Variants in PRKN observed in about 807,000 individuals in gnomAD.
PRKN encodes the protein parkin RBR E3 ubiquitin protein ligase.
A neutral mutation model predicts 59.5 loss-of-function variants in PRKN; 56 were observed. That is an observed-to-expected ratio of 0.94 (90% CI 0.76 to 1.18). The LOEUF (loss-of-function observed/expected upper bound fraction) is 1.18, where lower values mean the gene tolerates loss of function less well. Ranked by LOEUF, PRKN falls within the 50% of genes most tolerant of loss-of-function variation. The pLI, the probability that PRKN is intolerant of heterozygous loss-of-function variation, is 0.00. For missense variants in PRKN, 657 were observed against 596.4 expected (o/e 1.10, Z -1.06); for synonymous variants, 250 against 222.1 (o/e 1.13, Z -1.12).
rs572885578 is a variant in PRKN, at chr6:161,645,867, G to A, written c.872-76451C>T. Among the ~76,000 whole-genome samples, 15 of 152,390 alleles carry A rather than the reference G, an allele frequency of 9.8e-5. 1 individual carries two copies. In the South Asian group the frequency reaches 2.7e-3, roughly 27 times the overall value. The stretch of plus-strand genomic sequence containing the variant: ...AAAGGGAAATAAGTTAGAAAAGGCC[G>A]CTGTCTCAGCCATGCCAGCGCAGGT... On this transcript the variant is annotated intron_variant, in intron 7 of 11. Transcript: ENST00000366898.
In PRKN at chr6:161,606,382, C is replaced by A. The variant is rs139056606; in HGVS notation, c.872-36966G>T. Among the ~76,000 whole-genome samples the A allele has an allele frequency of 1.6e-4, 25 of 152,254 alleles. No homozygotes were observed. In the East Asian group the frequency reaches 4.5e-3, roughly 27 times the overall value. The stretch of plus-strand genomic sequence containing the variant: ...TGGTAAAAGAAGGAGTCTGGGATGA[C>A]TTCAGGGTTTCCAATTTTGACCAGT... On this transcript the variant is annotated intron_variant, in intron 7 of 11. Coordinates refer to ENST00000366898, the MANE Select transcript of PRKN (RefSeq NM_004562.3).
intron 4 of PRKN, among the ~76,000 whole-genome samples, chr6:162,181,174 G>T (rs1783789001): frequency 6.6e-6 from 1 of 152,216 alleles, no homozygotes; most frequent in Non-Finnish European, 1.5e-5. Flanking sequence ...CCAGTCGGGG[G>T]TGACGTTCCA....
At chr6:162,117,418 C>T (rs1204792802) in intron 4 of PRKN, among the ~76,000 whole-genome samples, 1 of 152,200 alleles carries the variant, frequency 6.6e-6, no homozygotes, top group Non-Finnish European at 1.5e-5. Context: ...CCTTTCCCTG[C>T]ATCCTGGCCA....
At chr6:161,899,154 C>T (rs112105452) in intron 6 of PRKN, among the ~76,000 whole-genome samples, 3,810 of 152,300 alleles carry the variant, frequency 0.025, 111 homozygotes, top group African/African-American at 0.068. Flanking sequence ...AGTGGGGAGG[C>T]CCTGGCCAGC....
intron 7 of PRKN, among the ~76,000 whole-genome samples, chr6:161,680,775 ATTT>A (rs869253616): frequency 1.4e-3 from 43 of 30,626 alleles, no homozygotes; most frequent in African/African-American, 2.7e-3. Context: ...ATATATATAT[ATTT>A]TTTTTTTTTT....
chr6:162,507,478 C>T (rs948758629), intron 1 of PRKN, among the ~76,000 whole-genome samples: 8 of 151,994 alleles, frequency 5.3e-5, no homozygotes, highest in East Asian at 1.9e-4. Context: ...ATACCCAGTT[C>T]GCTCCTTTTG....
At chr6:162,247,608 T>A (rs1480758665) in intron 3 of PRKN, among the ~76,000 whole-genome samples, 1 of 152,212 alleles carries the variant, frequency 6.6e-6, no homozygotes, top group East Asian at 1.9e-4. Flanking sequence ...AGTCTTTTTC[T>A]TAGTTGAATT....
intron 9 of PRKN, among the ~76,000 whole-genome samples, chr6:161,535,800 G>A (rs1478390560): frequency 6.6e-6 from 1 of 152,074 alleles, no homozygotes; most frequent in Non-Finnish European, 1.5e-5. Context: ...TGGTGGAGTG[G>A]AGCATCCCAG....
intron 1 of PRKN, among the ~76,000 whole-genome samples, chr6:162,715,381 A>T (rs1562520222): frequency 6.6e-6 from 1 of 152,226 alleles, no homozygotes; most frequent in Non-Finnish European, 1.5e-5. Context: ...CACTATAAAG[A>T]TGGAATGAAA....
chr6:162,486,187 G>A (rs1792530714), intron 1 of PRKN, among the ~76,000 whole-genome samples: 1 of 152,106 alleles, frequency 6.6e-6, no homozygotes, highest in Non-Finnish European at 1.5e-5. Flanking sequence ...CAACTTTGCA[G>A]GCTCTTAAAG....
chr6:161,552,798 TTG>T lies in PRKN; in HGVS notation c.934-3797_934-3796del, dbSNP rs1164475731. On this transcript the variant is annotated intron_variant, in intron 8 of 11. Transcript: ENST00000366898. This position sits in a 1 kb window ranked among gnomAD's most constrained non-coding sequence, Gnocchi z 4.9. ...ATGGTTTTGTTGTTGTTTTTGTTTT[TTG>T]TTTTTTTTTTTTAGACGGAGTCTCG... 1.3e-5 allele frequency among the ~76,000 whole-genome samples: 2 copies of T among 149,500 alleles called. No homozygotes were observed. The highest frequency in any genetic ancestry group is 6.6e-5 in the Admixed American group (1 of 15,114).
intron 2 of PRKN, among the ~76,000 whole-genome samples, chr6:162,282,931 T>A (rs1026297307): frequency 6.6e-6 from 1 of 152,150 alleles, no homozygotes; most frequent in African/African-American, 2.4e-5. Flanking sequence ...ACCTGGGAAA[T>A]TATTTGCAAG....
intron 5 of PRKN, among the ~76,000 whole-genome samples, chr6:162,027,485 C>G (rs1783479578): frequency 6.6e-6 from 1 of 152,094 alleles, no homozygotes; most frequent in Non-Finnish European, 1.5e-5. Flanking sequence ...TGTAGAAAAA[C>G]CAGTCCTCAG....
intron 7 of PRKN, among the ~76,000 whole-genome samples, chr6:161,766,789 G>A (rs1789441127): frequency 6.6e-6 from 1 of 152,118 alleles, no homozygotes; most frequent in Admixed American, 6.5e-5. Context: ...CTTGGTTTAG[G>A]GGCCAGCAGA....
intron 3 of PRKN, among the ~76,000 whole-genome samples, chr6:162,252,628 C>A (rs148254669): frequency 9.2e-5 from 14 of 152,338 alleles, no homozygotes; most frequent in African/African-American, 3.4e-4. Flanking sequence ...GTGCTCCCTC[C>A]ACCATGAGAG....
chr6:162,420,782 A>G (rs1788920282), intron 2 of PRKN, among the ~76,000 whole-genome samples: 1 of 152,176 alleles, frequency 6.6e-6, no homozygotes, highest in African/African-American at 2.4e-5. Flanking sequence ...GATAAGCAGG[A>G]AAAAGATGGG....
intron 7 of PRKN, among the ~76,000 whole-genome samples, chr6:161,772,179 C>T (rs943951277): frequency 6.6e-6 from 1 of 151,796 alleles, no homozygotes; most frequent in African/African-American, 2.4e-5. Context: ...TTTTTTTGAA[C>T]CTGTCTGCAC....
At chr6:161,662,329 C>T (rs1346183596) in intron 7 of PRKN, among the ~76,000 whole-genome samples, 3 of 152,162 alleles carry the variant, frequency 2.0e-5, no homozygotes, top group Admixed American at 2.0e-4. Flanking sequence ...ATCTCTTCAC[C>T]CACTCGGCTG....
rs1031784089 is a variant in PRKN, at chr6:162,211,445, T to C, written c.413-10193A>G. Among the ~76,000 whole-genome samples, 33 of 152,212 alleles carry C rather than the reference T, an allele frequency of 2.2e-4. 1 individual carries two copies. The highest frequency in any genetic ancestry group is 7.3e-5 in the Non-Finnish European group (5 of 68,044). On this transcript the variant is annotated intron_variant, in intron 3 of 11. Coordinates refer to ENST00000366898, the MANE Select transcript of PRKN (RefSeq NM_004562.3). ...ATCCCAAGAAATGGAATCCATGGAA[T>C]GACCTGAGAATCAATACAATTTCTT...
Sources: allele counts gnomAD v4.1 joint callset (sites outside exome capture counted in the v4.1 genomes callset), GRCh38; gene constraint gnomAD v4.1.1; non-coding constraint Gnocchi (gnomAD v3.1); transcripts MANE v1.5; gene names NCBI Gene and HGNC (gene_info 2026-07-23, HGNC 2026-07-21).